Variants in DYNC1I1 observed in about 807,000 individuals in gnomAD.
DYNC1I1 encodes cytoplasmic dynein 1 intermediate chain 1.
Under a neutral mutation model 86.6 loss-of-function variants are expected in DYNC1I1, and 43 were observed. The observed-to-expected ratio is 0.50, with a 90% confidence interval of 0.39 to 0.64. The LOEUF is 0.64. Ranked by LOEUF, DYNC1I1 falls within the 30% of genes least tolerant of loss-of-function variation. The probability of loss-of-function intolerance (pLI) is 0.00; values close to 1 mark genes in which losing one functional copy is unlikely to be tolerated. For synonymous variants in DYNC1I1, 262 were observed against 283.7 expected, an observed-to-expected ratio of 0.92 and a Z score of 0.77; for missense variants, 604 against 788.8, an observed-to-expected ratio of 0.77 and a Z score of 2.81.
At chr7:95,859,868 T>G (rs138487828) in intron 5 of DYNC1I1, among the ~76,000 whole-genome samples, 22 of 152,320 alleles carry the variant, frequency 1.4e-4, no homozygotes, top group African/African-American at 5.3e-4. Flanking sequence ...GAGCCTGGTG[T>G]TAGGATCCAA....
chr7:95,987,216 A>C, intron 9 of DYNC1I1, 61 bp downstream of exon 9: 1 of 1,435,332 alleles, frequency 7.0e-7, no homozygotes, highest in Non-Finnish European at 9.7e-7. Context: ...TTTGTATAAA[A>C]AAATAAGAGA....
chr7:95,790,399 C>T (rs1274916732), intron 1 of DYNC1I1, among the ~76,000 whole-genome samples: 1 of 152,176 alleles, frequency 6.6e-6, no homozygotes, highest in Non-Finnish European at 1.5e-5. Context: ...TTACCTCCCA[C>T]CTTTGTCCAT....
Position 96,098,021 on chromosome 7 carries a change from G to T in DYNC1I1, c.*428G>T. 3.0e-6 allele frequency: 3 copies of T among 990,646 alleles called. No individual in the cohort carries two copies. Among genetic ancestry groups the T allele is most frequent in the Non-Finnish European group, 3.6e-6 (3 of 832,778 alleles). The allele number at this position is 990,646 out of a possible 1,614,324, so 61.4% of individuals were successfully genotyped here. A position where few individuals can be genotyped will look rare whatever the true frequency, so the allele number is the denominator to read the frequency against. The stretch of plus-strand genomic sequence containing the variant: ...TACAGGGCCAAAGACTTGAGACGTG[G>T]TGTTTTACATGGTGACTCACATTAT... On this transcript the variant is annotated 3_prime_UTR_variant, in exon 17 of 17. Coordinates refer to ENST00000447467, the MANE Select transcript of DYNC1I1 (RefSeq NM_001135556.2).
chr7:95,888,543 C>G (rs1268642005), intron 6 of DYNC1I1, among the ~76,000 whole-genome samples: 1 of 152,062 alleles, frequency 6.6e-6, no homozygotes, highest in African/African-American at 2.4e-5. Flanking sequence ...GTCTTTGCCA[C>G]CATTGACCAC....
At chr7:95,923,158 G>A (rs561481452) in intron 6 of DYNC1I1, among the ~76,000 whole-genome samples, 1 of 152,086 alleles carries the variant, frequency 6.6e-6, no homozygotes, top group Non-Finnish European at 1.5e-5. Context: ...TGACTTAAGT[G>A]GTAAATCAGT....
At chr7:95,874,994 CTG>C in intron 6 of DYNC1I1, among the ~76,000 whole-genome samples, 1 of 152,320 alleles carries the variant, frequency 6.6e-6, no homozygotes, top group East Asian at 1.9e-4. Context: ...GATTTAAACT[CTG>C]TAGTCACTGC....
intron 14 of DYNC1I1, among the ~76,000 whole-genome samples, chr7:96,073,591 G>A (rs1232629031): frequency 1.3e-5 from 2 of 152,164 alleles, no homozygotes; most frequent in African/African-American, 4.8e-5. Context: ...GTATAGGTCT[G>A]TATGAGTCTA....
intron 6 of DYNC1I1, among the ~76,000 whole-genome samples, chr7:95,977,005 GC>G (rs1793321470): frequency 2.0e-5 from 3 of 152,154 alleles, no homozygotes; most frequent in African/African-American, 7.2e-5. Context: ...GACTTTGGGG[GC>G]CCTTCCCTTG....
chr7:96,052,860 G>A (rs765290569), intron 14 of DYNC1I1, among the ~76,000 whole-genome samples: 1 of 152,096 alleles, frequency 6.6e-6, no homozygotes, highest in Non-Finnish European at 1.5e-5. Context: ...GTGAAAGTAG[G>A]GCCACATCAC....
chr7:96,011,281 G>A (rs144411744), intron 10 of DYNC1I1, among the ~76,000 whole-genome samples: 1 of 152,204 alleles, frequency 6.6e-6, no homozygotes, highest in East Asian at 1.9e-4. Flanking sequence ...TACTTAATAT[G>A]TACCAATCTG....
rs77467312 is a variant in DYNC1I1 at position 96,064,150 on chromosome 7, G to A, written c.1510-11907G>A. On this transcript the variant is annotated intron_variant, in intron 14 of 16. Coordinates refer to ENST00000447467, the MANE Select transcript of DYNC1I1 (RefSeq NM_001135556.2). Reference sequence around the variant, plus strand: ...CTTTAGAGTCAGTGCTTGTTTCTAAGCATCATTGTTCTTCTCCAGACCAAA... The same window carrying A: ...CTTTAGAGTCAGTGCTTGTTTCTAAACATCATTGTTCTTCTCCAGACCAAA... Among the ~76,000 whole-genome samples, 213 of 151,652 alleles carry A rather than the reference G, an allele frequency of 1.4e-3. 3 individuals are homozygous for A. The highest frequency in any genetic ancestry group is 4.8e-3 in the African/African-American group (198 of 41,352).
At chr7:96,061,082 C>G (rs544693718) in intron 14 of DYNC1I1, among the ~76,000 whole-genome samples, 21 of 152,272 alleles carry the variant, frequency 1.4e-4, no homozygotes, top group African/African-American at 4.6e-4. Flanking sequence ...ATAGTACATT[C>G]TCTAAGAGCA....
intron 7 of DYNC1I1, among the ~76,000 whole-genome samples, chr7:95,982,470 G>C (rs1793481543): frequency 6.6e-6 from 1 of 152,006 alleles, no homozygotes; most frequent in African/African-American, 2.4e-5. Flanking sequence ...TGAAAGCTGA[G>C]ATCAAAGTGA....
At position 96,097,687 on chromosome 7, in the gene DYNC1I1, T is replaced by G; in HGVS notation, c.*94T>G. On this transcript the variant is annotated 3_prime_UTR_variant, in exon 17 of 17. Transcript: ENST00000447467. The stretch of plus-strand genomic sequence containing the variant: ...TCTTGTATTCGGTGTCCATTCAGTA[T>G]CAGTATTGCTGTGATATTTTGGGTG... The G allele has an allele frequency of 6.4e-7, 1 of 1,551,340 alleles. No individual in the cohort carries two copies. Among genetic ancestry groups the G allele is most frequent in the Non-Finnish European group, 8.7e-7 (1 of 1,145,708 alleles).
chr7:96,075,682 G>T (rs985625542), intron 14 of DYNC1I1, among the ~76,000 whole-genome samples: 1 of 152,184 alleles, frequency 6.6e-6, no homozygotes, highest in South Asian at 2.1e-4. Flanking sequence ...ACATCCCCGC[G>T]GGTCTGAGCC....
At chr7:95,813,873 G>A (rs1445011829) in intron 4 of DYNC1I1, among the ~76,000 whole-genome samples, 1 of 152,126 alleles carries the variant, frequency 6.6e-6, no homozygotes, top group Non-Finnish European at 1.5e-5. Flanking sequence ...TCTGTTTAGT[G>A]AGTTCATTGC....
intron 6 of DYNC1I1, among the ~76,000 whole-genome samples, chr7:95,905,526 C>A (rs188750278): frequency 3.3e-5 from 5 of 152,308 alleles, no homozygotes; most frequent in Admixed American, 3.3e-4. Context: ...TTCTAAGACT[C>A]ATGCTAATAT....
chr7:95,810,053 G>A (rs568857600), intron 2 of DYNC1I1, among the ~76,000 whole-genome samples: 1 of 152,198 alleles, frequency 6.6e-6, no homozygotes, highest in East Asian at 1.9e-4. Context: ...TCCCAGAAGG[G>A]ACAAGGAAGT....
chr7:96,108,299 C>G (rs1008015498), intron 16 of DYNC1I1, among the ~76,000 whole-genome samples: 1 of 151,948 alleles, frequency 6.6e-6, no homozygotes, highest in Non-Finnish European at 1.5e-5. Context: ...TTGATTATCC[C>G]CTTTTTATAA....
Sources: allele counts gnomAD v4.1 joint callset (sites outside exome capture counted in the v4.1 genomes callset), GRCh38; gene constraint gnomAD v4.1.1; transcripts MANE v1.5; gene names NCBI Gene and HGNC (gene_info 2026-07-23, HGNC 2026-07-21).